The following FOXP2 variants were observed in gnomAD, a reference collection of about 807,000 sequenced individuals.
FOXP2 encodes the protein forkhead box P2, also known as forkhead box protein P2.
In FOXP2, 12 loss-of-function variants were observed where a neutral mutation model predicts 115.8. That is an observed-to-expected ratio of 0.10 (90% CI 0.07 to 0.17). The LOEUF (loss-of-function observed/expected upper bound fraction) is 0.17. Ranked by LOEUF, FOXP2 falls within the 10% of genes least tolerant of loss-of-function variation. The pLI is 1.00. For synonymous variants in FOXP2, 328 were observed against 297.7 expected, an observed-to-expected ratio of 1.10 and a Z score of -1.05; for missense variants, 629 against 843.5, an observed-to-expected ratio of 0.75 and a Z score of 3.15.
intron 7 of FOXP2, among the ~76,000 whole-genome samples, chr7:114,644,254 A>C (rs1805745703): frequency 1.3e-5 from 2 of 152,186 alleles, no homozygotes; most frequent in Non-Finnish European, 2.9e-5. Context: ...AATATTAAAC[A>C]AATTAAATGA....
At chr7:114,229,500 A>G (rs1794820977) in intron 1 of FOXP2, among the ~76,000 whole-genome samples, 2 of 151,776 alleles carry the variant, frequency 1.3e-5, no homozygotes, top group South Asian at 4.1e-4. Flanking sequence ...GTGTTAGGTC[A>G]TAAAACAAGT....
At chr7:114,468,407 T>C (rs914485068) in intron 2 of FOXP2, among the ~76,000 whole-genome samples, 10 of 152,136 alleles carry the variant, frequency 6.6e-5, no homozygotes, top group African/African-American at 2.4e-4. Flanking sequence ...AATTGTTTAT[T>C]ATTACCTTCA....
At chr7:114,195,737 G>A (rs538142397) in intron 1 of FOXP2, among the ~76,000 whole-genome samples, 57 of 151,932 alleles carry the variant, frequency 3.8e-4, no homozygotes, top group East Asian at 2.3e-3. Flanking sequence ...CATTTATTCC[G>A]TCCAGGAAGA....
intron 1 of FOXP2, among the ~76,000 whole-genome samples, chr7:114,152,095 G>A (rs1198167177): frequency 6.6e-6 from 1 of 151,998 alleles, no homozygotes; most frequent in Non-Finnish European, 1.5e-5. Context: ...AGTTATTTTG[G>A]CCATTATCCC....
At chr7:114,255,782 G>A (rs1477504775) in intron 1 of FOXP2, among the ~76,000 whole-genome samples, 1 of 152,108 alleles carries the variant, frequency 6.6e-6, no homozygotes, top group Non-Finnish European at 1.5e-5. Flanking sequence ...CACACTCGGT[G>A]TGCTCCACCC....
intron 2 of FOXP2, among the ~76,000 whole-genome samples, chr7:114,478,833 C>CCG (rs1796399436): frequency 6.6e-6 from 1 of 151,600 alleles, no homozygotes; most frequent in African/African-American, 2.4e-5. Flanking sequence ...TTAAATTTTG[C>CCG]CCTTCTCTCC....
At chr7:114,500,095 A>T (rs990587400) in intron 2 of FOXP2, among the ~76,000 whole-genome samples, 2 of 151,746 alleles carry the variant, frequency 1.3e-5, no homozygotes, top group Non-Finnish European at 2.9e-5. Flanking sequence ...GGCGCCTTGT[A>T]GTCCCAGCTA....
chr7:114,411,583 A>G (rs776215069), upstream of FOXP2, among the ~76,000 whole-genome samples: 5 of 152,160 alleles, frequency 3.3e-5, no homozygotes, highest in Non-Finnish European at 5.9e-5. Flanking sequence ...TCTGTTTGAA[A>G]TGGTGGCTGC....
chr7:114,554,048 C>T (rs1274018739), intron 3 of FOXP2, among the ~76,000 whole-genome samples: 2 of 151,916 alleles, frequency 1.3e-5, no homozygotes, highest in East Asian at 3.8e-4. Context: ...ATTATTATGT[C>T]AATAACAGAG....
chr7:114,555,212 A>C (rs1800398321), intron 3 of FOXP2, among the ~76,000 whole-genome samples: 1 of 152,196 alleles, frequency 6.6e-6, no homozygotes, highest in Non-Finnish European at 1.5e-5. Flanking sequence ...TTCATTTCAC[A>C]GAATAGGCAC....
At chr7:114,544,308 C>T (rs1172471145) in intron 3 of FOXP2, among the ~76,000 whole-genome samples, 1 of 152,138 alleles carries the variant, frequency 6.6e-6, no homozygotes, top group African/African-American at 2.4e-5. Flanking sequence ...TATGCGCCCC[C>T]ACCCTGCCCC....
At chr7:114,684,684 C>A (rs994653109) in intron 16 of FOXP2, among the ~76,000 whole-genome samples, 1 of 152,100 alleles carries the variant, frequency 6.6e-6, no homozygotes, top group African/African-American at 2.4e-5. Flanking sequence ...TTCTGAATCC[C>A]AGATTAAACC....
At chr7:114,491,458 C>A (rs1330967230) in intron 2 of FOXP2, among the ~76,000 whole-genome samples, 1 of 151,764 alleles carries the variant, frequency 6.6e-6, no homozygotes, top group African/African-American at 2.4e-5. Context: ...CTGTAGGTTG[C>A]CTGTTCACTC....
At chr7:114,160,880 C>T (rs1187594441), upstream of FOXP2, among the ~76,000 whole-genome samples, 1 of 151,656 alleles carries the variant, frequency 6.6e-6, no homozygotes. Flanking sequence ...CACACTAAAG[C>T]TATATCCTGT....
chr7:114,099,518 T>A (rs1355247965), intron 1 of FOXP2, among the ~76,000 whole-genome samples: 3 of 152,206 alleles, frequency 2.0e-5, no homozygotes, highest in Admixed American at 6.5e-5. Flanking sequence ...ATCCCTCTTC[T>A]AGGCATATAC....
At chr7:114,451,433 T>C (rs965221451) in intron 2 of FOXP2, among the ~76,000 whole-genome samples, 1 of 152,098 alleles carries the variant, frequency 6.6e-6, no homozygotes, top group Non-Finnish European at 1.5e-5. Context: ...TCATACTGTC[T>C]ACTCCATGTG....
At chr7:114,406,655 G>A (rs986085019) in intron 2 of FOXP2, among the ~76,000 whole-genome samples, 1 of 151,930 alleles carries the variant, frequency 6.6e-6, no homozygotes, top group African/African-American at 2.4e-5. Flanking sequence ...CAACTAAATT[G>A]AGGAAAAAGT....
At chr7:114,108,056 T>A (rs2129141724) in intron 1 of FOXP2, among the ~76,000 whole-genome samples, 1 of 152,070 alleles carries the variant, frequency 6.6e-6, no homozygotes, top group East Asian at 1.9e-4. Context: ...CAAAAGTTAG[T>A]TTTGTTCCTA....
intron 1 of FOXP2, among the ~76,000 whole-genome samples, chr7:114,274,379 T>C (rs184402777): frequency 6.9e-4 from 105 of 152,242 alleles, no homozygotes; most frequent in African/African-American, 2.4e-3. Context: ...TAATTTTACC[T>C]TCTCTTATTC....
Sources: gnomAD v4.1 joint callset for allele counts (sites outside exome capture counted in the v4.1 genomes callset) on GRCh38, gnomAD v4.1.1 for gene constraint, MANE v1.5 for transcripts, NCBI Gene and HGNC (gene_info 2026-07-23, HGNC 2026-07-21) for gene names.